The following DENND3 variants were observed in gnomAD, a reference collection of about 807,000 sequenced individuals.
DENND3 encodes DENN domain containing 3, also known as DENN domain-containing protein 3.
In DENND3, 88 loss-of-function variants were observed where a neutral mutation model predicts 135.1. That is an observed-to-expected ratio of 0.65 (90% CI 0.55 to 0.78). The LOEUF (loss-of-function observed/expected upper bound fraction) is 0.78. DENND3 is among the 30% of genes least tolerant of loss of function. DENND3 has a pLI of 0.00. For synonymous variants in DENND3, 693 were observed against 712.3 expected (o/e 0.97, Z 0.43); for missense variants, 1,392 against 1,688.4 (o/e 0.82, Z 3.08).
At position 141,134,304 on chromosome 8, in the gene DENND3, A is replaced by AT. The variant is rs927740208; in HGVS notation, c.103-2195dup. 1.5e-3 allele frequency among the ~76,000 whole-genome samples: 219 copies of AT among 149,082 alleles called. 2 individuals are homozygous for AT. Among genetic ancestry groups the AT allele is most frequent in the Admixed American group, 2.5e-3 (37 of 14,968 alleles). On this transcript the variant is annotated intron_variant, in intron 1 of 22. Coordinates refer to ENST00000519811, the MANE Select transcript of DENND3 (RefSeq NM_001352890.3). ...ATTTTTTATTTTTTATTTTTATTTT[A>AT]TTTTTTTTTTGAGACAGTCTCGCTC...
At chr8:141,158,601 A>G (rs1348993705) in intron 8 of DENND3, among the ~76,000 whole-genome samples, 2 of 152,162 alleles carry the variant, frequency 1.3e-5, no homozygotes, top group Non-Finnish European at 2.9e-5. Flanking sequence ...AGCTCATGAT[A>G]CAGGTTGTGG....
intron 18 of DENND3, among the ~76,000 whole-genome samples, chr8:141,187,371 C>T (rs555679592): frequency 1.1e-4 from 17 of 151,796 alleles, no homozygotes; most frequent in African/African-American, 2.7e-4. Flanking sequence ...TATATAGGTG[C>T]GCACCACCAC....
In DENND3 at chr8:141,167,228, C is replaced by A. The variant is rs533042898; in HGVS notation, c.1754-776C>A. Reference sequence around the variant, plus strand: ...GAGCCTTCTGCCCCTGGCTGTGTGACCCTGGGCAGGCAGCTTCACCTCCCT... The same window carrying A: ...GAGCCTTCTGCCCCTGGCTGTGTGAACCTGGGCAGGCAGCTTCACCTCCCT... On this transcript the variant is annotated intron_variant, in intron 12 of 22. Transcript: ENST00000519811. The surrounding 1 kb of genome is among the most constrained non-coding windows in gnomAD (Gnocchi z 4.1). Among the ~76,000 whole-genome samples, 12 of 152,182 alleles carry A rather than the reference C, an allele frequency of 7.9e-5. No individual in the cohort carries two copies. In the East Asian group the frequency reaches 1.5e-3, roughly 20 times the overall value.
At chr8:141,163,460 G>A in intron 10 of DENND3, 31 bp downstream of exon 10, 1 of 1,378,714 alleles carries the variant, frequency 7.3e-7, no homozygotes, top group Non-Finnish European at 1.0e-6. Flanking sequence ...GTGTGCCTGT[G>A]TGTGTTCAAT....
intron 22 of DENND3, 174 bp from the exon 23 acceptor site, chr8:141,193,859 G>A (rs1247147388): frequency 7.4e-6 from 5 of 674,728 alleles, no homozygotes; most frequent in South Asian, 1.9e-5. Context: ...TTCTAAGCCC[G>A]AGAAGGGTCC....
rs1816914025 is a variant in DENND3, at chr8:141,137,493, C to CATCTGCA, written c.386-529_386-528insATCTGCA. Among the ~76,000 whole-genome samples, 1 of 152,180 alleles carries CATCTGCA rather than the reference C, an allele frequency of 6.6e-6. No homozygotes were observed. The highest frequency in any genetic ancestry group is 2.4e-5 in the African/African-American group (1 of 41,438). On this transcript the variant is annotated intron_variant, in intron 2 of 22. Transcript: ENST00000519811. The surrounding 1 kb of genome is among the most constrained non-coding windows in gnomAD (Gnocchi z 4.1). ...TACATCCAGTTCATCTGCAGCGGTT[C>CATCTGCA]CACCCCCAGTGTGCCTGAGCCTCTC...
intron 10 of DENND3, 66 bp downstream of exon 10, chr8:141,163,495 T>C: frequency 8.8e-7 from 1 of 1,140,524 alleles, no homozygotes; most frequent in Non-Finnish European, 1.3e-6. Flanking sequence ...TGTATTTAAA[T>C]ACTTTTCAAA....
rs1450443766 is a variant in DENND3 at position 141,176,657 on chromosome 8, T to C, written c.2602T>C (p.Ser868Pro). Reference sequence around the variant, plus strand: ...ACCCACTTTAAAAATCAGAGTGGCGTCCAAGAAAGAAGTCTTCGAAGCCAA... The same window carrying C: ...ACCCACTTTAAAAATCAGAGTGGCGCCCAAGAAAGAAGTCTTCGAAGCCAA... ...RIPTLKIRVA[S>P]KKEVFEANLK... The change falls in exon 15 of 23, where the codon TCC (serine) becomes CCC (proline). Residue 868 changes from serine to proline, a missense_variant. Ser to Pro is a moderately conservative substitution (Grantham distance 74). Coordinates refer to ENST00000519811, the MANE Select transcript of DENND3 (RefSeq NM_001352890.3). The C allele has an allele frequency of 2.5e-6, 4 of 1,614,232 alleles. No homozygotes were observed. The highest frequency in any genetic ancestry group is 3.4e-6 in the Non-Finnish European group (4 of 1,180,044).
chr8:141,192,852 A>G, intron 22 of DENND3, 189 bp downstream of exon 22: 1 of 1,538,094 alleles, frequency 6.5e-7, no homozygotes, highest in African/African-American at 1.4e-5. Context: ...TGCTGGTTTC[A>G]TGGTGTGGTC....
Position 141,175,093 on chromosome 8 carries a change from C to T in DENND3, c.2276-107C>T. 7.3e-7 allele frequency: 1 copy of T among 1,365,406 alleles called. No homozygotes were observed. The allele number at this position is 1,365,406 out of a possible 1,614,324, so 84.6% of individuals were successfully genotyped here. A position where few individuals can be genotyped will look rare whatever the true frequency, so the allele number is the denominator to read the frequency against. On this transcript the variant is annotated intron_variant, in intron 13 of 22. Transcript: ENST00000519811. This position sits in a 1 kb window ranked among gnomAD's most constrained non-coding sequence, Gnocchi z 5.4. ...GCGCCCTGAGTGCTGGCGCCACCTG[C>T]TGCCGGGTTCCGGTAGTGTGCGGTT...
Position 141,136,709 on chromosome 8 carries a change from GC to G in DENND3, c.309del (p.Arg104GlufsTer44). 1 of 1,611,632 alleles carries G rather than the reference GC, an allele frequency of 6.2e-7. No homozygotes were observed. Among genetic ancestry groups the G allele is most frequent in the Non-Finnish European group, 8.5e-7 (1 of 1,179,128 alleles). On this transcript the variant is annotated frameshift_variant, in exon 2 of 23. Transcript: ENST00000519811. LOFTEE classifies it high-confidence loss of function. ...RPEQWKGLPGPPRAPEPEDVA... is the reference protein window; with the variant it reads ...RPEQWKGLPGXPRAPEPEDVA... ...CAGAGCAGTGGAAGGGCCTCCCGGG[GC>G]CCCCCAGAGCGCCAGAGCCTGAGGA... is the stretch of plus-strand genomic sequence containing the variant.
In DENND3 at chr8:141,192,737, G is replaced by A. The variant is rs746899980; in HGVS notation, c.3636+74G>A. On this transcript the variant is annotated intron_variant, in intron 22 of 22. Coordinates refer to ENST00000519811, the MANE Select transcript of DENND3 (RefSeq NM_001352890.3). ...GCCCTGGCCGCATCCCCATGCTCCC[G>A]AGAGCCAGCCGCACGCCCTCGTGCC... 6.8e-6 allele frequency: 11 copies of A among 1,608,536 alleles called. No homozygotes were observed. In the African/African-American group the frequency reaches 9.3e-5, roughly 14 times the overall value.
At position 141,174,860 on chromosome 8, in the gene DENND3, A is replaced by G. The variant is rs536401437; in HGVS notation, c.2276-340A>G. Among the ~76,000 whole-genome samples the G allele has an allele frequency of 2.6e-5, 4 of 152,174 alleles. No homozygotes were observed. Among genetic ancestry groups the G allele is most frequent in the African/African-American group, 9.7e-5 (4 of 41,438 alleles). On this transcript the variant is annotated intron_variant, in intron 13 of 22. Transcript: ENST00000519811. This position sits in a 1 kb window ranked among gnomAD's most constrained non-coding sequence, Gnocchi z 4.6. Reference sequence around the variant, plus strand: ...AGTGATGAGGAAGGTCTTTGCCCCCATTAGAAGAGTGTCCTTGTCCGGAAG... The same window carrying G: ...AGTGATGAGGAAGGTCTTTGCCCCCGTTAGAAGAGTGTCCTTGTCCGGAAG...
chr8:141,188,018 C>G (rs540059961), intron 18 of DENND3, among the ~76,000 whole-genome samples: 1 of 152,308 alleles, frequency 6.6e-6, no homozygotes, highest in Admixed American at 6.5e-5. Flanking sequence ...GAAACCCTAT[C>G]TCTACTAAAA....
rs967557032 is a variant in DENND3 at position 141,146,264 on chromosome 8, A to G, written c.735+2005A>G. ...GTGCTGTGTTACTTAATGAACAGGC[A>G]AACATTTCCCAGGCTGGTTTTTTTT... On this transcript the variant is annotated intron_variant, in intron 5 of 22. Coordinates refer to ENST00000519811, the MANE Select transcript of DENND3 (RefSeq NM_001352890.3). This position sits in a 1 kb window ranked among gnomAD's most constrained non-coding sequence, Gnocchi z 4.3. Among the ~76,000 whole-genome samples the G allele has an allele frequency of 6.6e-6, 1 of 152,336 alleles. No individual in the cohort carries two copies.
chr8:141,192,954 C>A, intron 22 of DENND3: 1 of 1,308,854 alleles, frequency 7.6e-7, no homozygotes, highest in Non-Finnish European at 1.0e-6. Flanking sequence ...GGTCCAAAAC[C>A]AAGGTGTCGG....
intron 8 of DENND3, among the ~76,000 whole-genome samples, chr8:141,156,795 T>C (rs988273605): frequency 2.7e-5 from 4 of 145,730 alleles, no homozygotes; most frequent in African/African-American, 1.1e-4. Flanking sequence ...TCTTTCCTTT[T>C]TTTTTTTTTT....
intron 6 of DENND3, 78 bp downstream of exon 6, chr8:141,151,031 G>A (rs1308552024): frequency 2.8e-6 from 4 of 1,438,322 alleles, no homozygotes; most frequent in Non-Finnish European, 3.6e-6. Context: ...CAGAGATGAT[G>A]AAGATGCGAG....
At position 141,128,603 on chromosome 8, in the gene DENND3, C is replaced by A; in HGVS notation, c.-105C>A. ...AGCCCCGCCCCGCAGACGGCGCTCG[C>A]AGCGCCCCCGGCCCCCAGGCGGCGC... On this transcript the variant is annotated 5_prime_UTR_variant, in exon 1 of 23. Transcript: ENST00000519811. This position sits in a 1 kb window ranked among gnomAD's most constrained non-coding sequence, Gnocchi z 4.5. The A allele has an allele frequency of 1.7e-6, 1 of 595,556 alleles. No homozygotes were observed. The highest frequency in any genetic ancestry group is 2.3e-6 in the Non-Finnish European group (1 of 441,080). The allele number at this position is 595,556 out of a possible 1,614,324, so 36.9% of individuals were successfully genotyped here. A position where few individuals can be genotyped will look rare whatever the true frequency, so the allele number is the denominator to read the frequency against.
Sources: allele counts gnomAD v4.1 joint callset (sites outside exome capture counted in the v4.1 genomes callset), GRCh38; gene constraint gnomAD v4.1.1; non-coding constraint Gnocchi (gnomAD v3.1); transcripts MANE v1.5; gene names NCBI Gene and HGNC (gene_info 2026-07-23, HGNC 2026-07-21).